Variants in PTPRD observed in about 807,000 individuals in gnomAD.
The protein encoded by PTPRD is protein tyrosine phosphatase receptor type D.
In PTPRD, 34 loss-of-function variants were observed where a neutral mutation model predicts 214.5. The ratio of observed to expected loss-of-function variants is 0.16; its 90% CI spans 0.12 to 0.21. PTPRD has a LOEUF of 0.21. PTPRD is among the 10% of genes least tolerant of loss of function. The probability of loss-of-function intolerance (pLI) is 1.00; values close to 1 mark genes in which losing one functional copy is unlikely to be tolerated. For synonymous variants in PTPRD, 1,128 were observed against 845.7 expected (o/e 1.33, Z -5.79); for missense variants, 2,545 against 2,398.7 (o/e 1.06, Z -1.27).
chr9:8,472,309 A>G (rs10977140), intron 30 of PTPRD, among the ~76,000 whole-genome samples: 9,965 of 152,200 alleles, frequency 0.065, 1,006 homozygotes, highest in African/African-American at 0.22. Flanking sequence ...CATACCTTTA[A>G]AAGAGGAGGC....
intron 5 of PTPRD, among the ~76,000 whole-genome samples, chr9:9,811,240 G>C (rs1251997522): frequency 1.3e-5 from 2 of 152,136 alleles, no homozygotes; most frequent in East Asian, 1.9e-4. Flanking sequence ...AAGAGATTGA[G>C]TCTAACCTTC....
chr9:10,367,687 C>T (rs1423081221), intron 2 of PTPRD, among the ~76,000 whole-genome samples: 1 of 152,146 alleles, frequency 6.6e-6, no homozygotes, highest in Non-Finnish European at 1.5e-5. Flanking sequence ...TCACTTGCCA[C>T]AGATGCCTTT....
chr9:9,952,100 A>C (rs1167481217), intron 4 of PTPRD, among the ~76,000 whole-genome samples: 5 of 152,202 alleles, frequency 3.3e-5, no homozygotes, highest in African/African-American at 1.2e-4. Context: ...TGGATTTACC[A>C]GACAAGATCT....
At chr9:8,761,112 C>T (rs1320037129) in intron 11 of PTPRD, among the ~76,000 whole-genome samples, 1 of 152,070 alleles carries the variant, frequency 6.6e-6, no homozygotes, top group African/African-American at 2.4e-5. Context: ...TTTAAAAAGA[C>T]AGAAGCTGAT....
At position 10,545,398 on chromosome 9, in the gene PTPRD, C is replaced by A. The variant is rs146965174; in HGVS notation, c.-600+67000G>T. On this transcript the variant is annotated intron_variant, in intron 2 of 45. Coordinates refer to ENST00000381196, the MANE Select transcript of PTPRD (RefSeq NM_002839.4). ...CATTTCTTTCAGATATTTTAGCATG[C>A]TTTTGAAAAGGGCTATTTACACTAT... Among the ~76,000 whole-genome samples, 23 of 152,204 alleles carry A rather than the reference C, an allele frequency of 1.5e-4. No homozygotes were observed. The East Asian group carries it at 4.3e-3, about 28-fold the overall frequency.
At chr9:8,790,928 C>G (rs1230071080) in intron 11 of PTPRD, among the ~76,000 whole-genome samples, 2 of 152,194 alleles carry the variant, frequency 1.3e-5, no homozygotes, top group Non-Finnish European at 2.9e-5. Context: ...CGTGTGGTTA[C>G]TAGCTCTATA....
chr9:9,740,207 C>T (rs989245731), intron 6 of PTPRD, among the ~76,000 whole-genome samples: 5 of 152,128 alleles, frequency 3.3e-5, no homozygotes, highest in African/African-American at 1.2e-4. Flanking sequence ...CATATCCCAC[C>T]ATGATTTGGG....
chr9:8,934,451 TTATATATATATAAATA>T (rs2098977903), intron 11 of PTPRD, among the ~76,000 whole-genome samples: 2 of 13,666 alleles, frequency 1.5e-4, no homozygotes, highest in African/African-American at 2.5e-4. Flanking sequence ...ATATATAAAT[TTATATATATATAAATA>T]TATATATATA....
At chr9:9,036,319 G>C (rs1447508804) in intron 10 of PTPRD, among the ~76,000 whole-genome samples, 8 of 151,072 alleles carry the variant, frequency 5.3e-5, no homozygotes, top group African/African-American at 1.7e-4. Context: ...AAGAATTTAA[G>C]ACAGCTTACA....
intron 34 of PTPRD, among the ~76,000 whole-genome samples, chr9:8,447,359 T>C (rs758076292): frequency 4.2e-4 from 64 of 152,344 alleles, no homozygotes; most frequent in Non-Finnish European, 6.6e-4. Flanking sequence ...TGTAAAGTCA[T>C]TGGTGATACA....
chr9:9,056,913 T>C (rs528561020), intron 10 of PTPRD, among the ~76,000 whole-genome samples: 3 of 152,336 alleles, frequency 2.0e-5, no homozygotes, highest in East Asian at 3.9e-4. Flanking sequence ...GAGACTGCAA[T>C]AATATTTTTC....
At chr9:9,394,743 G>A (rs921907219) in intron 9 of PTPRD, among the ~76,000 whole-genome samples, 4 of 151,946 alleles carry the variant, frequency 2.6e-5, no homozygotes, top group African/African-American at 9.7e-5. Context: ...GGAATATGTA[G>A]CATATTGAAA....
chr9:9,054,205 T>C lies in PTPRD; in HGVS notation c.-142-35470A>G, dbSNP rs559059499. On this transcript the variant is annotated intron_variant, in intron 10 of 45. Coordinates refer to ENST00000381196, the MANE Select transcript of PTPRD (RefSeq NM_002839.4). ...CCATCTCAACCATCTCAATTTTACA[T>C]AGTGCAAAATTGGGACTCAGAATAG... is the stretch of plus-strand genomic sequence containing the variant. Among the ~76,000 whole-genome samples the C allele has an allele frequency of 1.5e-4, 23 of 152,264 alleles. No individual in the cohort carries two copies. In the East Asian group the frequency reaches 3.9e-3, roughly 26 times the overall value.
At chr9:8,583,687 C>A (rs2093386310) in intron 14 of PTPRD, among the ~76,000 whole-genome samples, 1 of 152,038 alleles carries the variant, frequency 6.6e-6, no homozygotes, top group South Asian at 2.1e-4. Context: ...AATTACGTTG[C>A]TTTTGTCATC....
intron 14 of PTPRD, among the ~76,000 whole-genome samples, chr9:8,581,949 A>C (rs1162679646): frequency 6.8e-6 from 1 of 147,768 alleles, no homozygotes; most frequent in African/African-American, 2.6e-5. Context: ...AAAAGAGGGA[A>C]AAAAAGGAGG....
intron 5 of PTPRD, among the ~76,000 whole-genome samples, chr9:9,835,050 C>T (rs536504847): frequency 2.0e-5 from 3 of 152,006 alleles, no homozygotes; most frequent in East Asian, 1.9e-4. Flanking sequence ...TACTTAGTTA[C>T]ATAATCATCC....
At chr9:9,479,223 C>CCAA (rs766455116) in intron 8 of PTPRD, among the ~76,000 whole-genome samples, 1 of 15,994 alleles carries the variant, frequency 6.3e-5, no homozygotes, top group African/African-American at 2.1e-4. Context: ...ACGCCCCCCC[C>CCAA]CCCCCCACAC....
intron 5 of PTPRD, among the ~76,000 whole-genome samples, chr9:9,896,273 C>G (rs1343549267): frequency 6.6e-6 from 1 of 151,890 alleles, no homozygotes; most frequent in Non-Finnish European, 1.5e-5. Flanking sequence ...TGAAAGACTT[C>G]GGAAAGTTTT....
At chr9:9,283,193 T>C (rs959549987) in intron 9 of PTPRD, among the ~76,000 whole-genome samples, 1 of 151,552 alleles carries the variant, frequency 6.6e-6, no homozygotes, top group Admixed American at 6.6e-5. Flanking sequence ...CTATGCTTTC[T>C]ATGTGAAGAT....
Sources: gnomAD v4.1 joint callset for allele counts (sites outside exome capture counted in the v4.1 genomes callset) on GRCh38, gnomAD v4.1.1 for gene constraint, MANE v1.5 for transcripts, NCBI Gene and HGNC (gene_info 2026-07-23, HGNC 2026-07-21) for gene names.